The following LOXL2 variants were observed in gnomAD, a reference collection of about 807,000 sequenced individuals.
The protein encoded by LOXL2 is lysyl oxidase like 2, also known as lysyl oxidase homolog 2.
Under a neutral mutation model 93.0 loss-of-function variants are expected in LOXL2, and 70 were observed. The ratio of observed to expected loss-of-function variants is 0.75; its 90% CI spans 0.62 to 0.92. LOXL2 has a LOEUF of 0.92. Among genes scored for constraint, LOXL2 ranks in the 40% least tolerant of loss-of-function variants. The pLI, the probability that LOXL2 is intolerant of heterozygous loss-of-function variation, is 0.00. For synonymous variants in LOXL2, 438 were observed against 413.2 expected (o/e 1.06, Z -0.73); for missense variants, 973 against 1,054.9 (o/e 0.92, Z 1.08).
At chr8:23,374,293 G>A (rs1804549188) in intron 1 of LOXL2, among the ~76,000 whole-genome samples, 1 of 152,102 alleles carries the variant, frequency 6.6e-6, no homozygotes, top group African/African-American at 2.4e-5. Context: ...CCTTTTTTAT[G>A]GCTGCATAGT....
intron 10 of LOXL2, among the ~76,000 whole-genome samples, chr8:23,306,530 C>T (rs754942320): frequency 3.9e-5 from 6 of 152,364 alleles, no homozygotes; most frequent in East Asian, 1.9e-4. Flanking sequence ...CCCACAGATG[C>T]GATGAGGGCC....
rs372915772 is a variant in LOXL2 at position 23,332,919 on chromosome 8, AGG to A, written c.966+480_966+481del. ...CCATACACATACACCCCCCCCACAGAGGGGGGGTGTTTCACATAAGTATAATG... is the reference window on the plus strand; with the variant it reads ...CCATACACATACACCCCCCCCACAGAGGGGGTGTTTCACATAAGTATAATG... On this transcript the variant is annotated intron_variant, in intron 5 of 13. Coordinates refer to ENST00000389131, the MANE Select transcript of LOXL2 (RefSeq NM_002318.3). Among the ~76,000 whole-genome samples, 720 of 146,620 alleles carry A rather than the reference AGG, an allele frequency of 4.9e-3. 42 individuals are homozygous for A. In the East Asian group the frequency reaches 0.096, roughly 20 times the overall value.
intron 12 of LOXL2, among the ~76,000 whole-genome samples, chr8:23,299,733 T>A (rs1803096695): frequency 6.6e-6 from 1 of 152,044 alleles, no homozygotes; most frequent in Non-Finnish European, 1.5e-5. Context: ...CCTGCCACAT[T>A]TGGAAGGGCT....
chr8:23,362,351 G>GT (rs1804309650), intron 2 of LOXL2, among the ~76,000 whole-genome samples: 1 of 152,228 alleles, frequency 6.6e-6, no homozygotes, highest in Non-Finnish European at 1.5e-5. Flanking sequence ...AATCGGTGCA[G>GT]TTTCAGTTTT....
chr8:23,328,780 T>C (rs1803630306), intron 5 of LOXL2: 3 of 524,374 alleles, frequency 5.7e-6, no homozygotes, highest in Admixed American at 3.1e-5. Flanking sequence ...GCTTCCTCTA[T>C]AGAGTCAGCT....
At chr8:23,396,206 T>C (rs1800087501) in intron 1 of LOXL2, among the ~76,000 whole-genome samples, 1 of 151,998 alleles carries the variant, frequency 6.6e-6, no homozygotes, top group African/African-American at 2.4e-5. Context: ...TAATCCCAGC[T>C]ACTCGGGAGG....
At chr8:23,347,251 G>A (rs1479984785) in intron 3 of LOXL2, among the ~76,000 whole-genome samples, 3 of 151,976 alleles carry the variant, frequency 2.0e-5, no homozygotes, top group Non-Finnish European at 4.4e-5. Context: ...CAGCGACTCA[G>A]GAGGCTGAGG....
Position 23,360,182 on chromosome 8 carries a change from C to G in LOXL2, c.439G>C (p.Asp147His), listed in dbSNP as rs1175707113. Residue 147 changes from aspartate (D) to histidine (H), a missense_variant, in exon 3 of 14, where the codon GAC becomes CAC. Transcript: ENST00000389131. ...ACTSNGWGVTDCKHTEDVGVV... is the reference protein window; with the variant it reads ...ACTSNGWGVTHCKHTEDVGVV... ...CCGACATCCTCCGTGTGCTTGCAGT[C>G]AGTGACGCCCCAGCCATTGGAGGTG... is the stretch of plus-strand genomic sequence containing the variant. 1 of 1,614,142 alleles carries G rather than the reference C, an allele frequency of 6.2e-7. No homozygotes were observed.
At chr8:23,401,066 C>T (rs979412377) in intron 1 of LOXL2, among the ~76,000 whole-genome samples, 3 of 152,206 alleles carry the variant, frequency 2.0e-5, no homozygotes, top group Admixed American at 2.0e-4. Context: ...AGAACCAGAA[C>T]CACCGAAGCC....
intron 2 of LOXL2, chr8:23,364,107 C>G (rs994594220): frequency 9.2e-5 from 14 of 152,450 alleles, no homozygotes; most frequent in African/African-American, 3.1e-4. Context: ...AACACCTGAC[C>G]TCAGGTGATC....
intron 1 of LOXL2, among the ~76,000 whole-genome samples, chr8:23,369,821 C>A (rs1804468744): frequency 6.6e-6 from 1 of 152,126 alleles, no homozygotes; most frequent in African/African-American, 2.4e-5. Flanking sequence ...CAGCCTGACC[C>A]CCTAGTAGTG....
chr8:23,331,376 C>T (rs888274552), intron 5 of LOXL2: 6 of 152,214 alleles, frequency 3.9e-5, no homozygotes, highest in Non-Finnish European at 7.3e-5. Flanking sequence ...GGTGACAGCC[C>T]ACCTGGAACT....
rs761624027 is a variant in LOXL2, at chr8:23,360,188, C to G, written c.433G>C (p.Val145Leu). 2.5e-6 allele frequency: 4 copies of G among 1,614,100 alleles called. No individual in the cohort carries two copies. The change falls in exon 3 of 14, where the codon GTC becomes CTC. Residue 145 changes from valine to leucine, a missense_variant. By Grantham distance (32) the Val-to-Leu change is conservative (BLOSUM62 1). Coordinates refer to ENST00000389131, the MANE Select transcript of LOXL2 (RefSeq NM_002318.3). ...TCCTCCGTGTGCTTGCAGTCAGTGACGCCCCAGCCATTGGAGGTGCATGCT... is the reference window on the plus strand; with the variant it reads ...TCCTCCGTGTGCTTGCAGTCAGTGAGGCCCCAGCCATTGGAGGTGCATGCT... Reference protein sequence around the residue: ...LAACTSNGWGVTDCKHTEDVG... With the variant: ...LAACTSNGWGLTDCKHTEDVG...
At chr8:23,326,708 C>G (rs1488424402) in intron 6 of LOXL2, among the ~76,000 whole-genome samples, 1 of 152,134 alleles carries the variant, frequency 6.6e-6, no homozygotes, top group East Asian at 1.9e-4. Context: ...GAGCCGAGAT[C>G]GCGCCACTGT....
At chr8:23,304,241 T>A (rs1031596835) in intron 10 of LOXL2, among the ~76,000 whole-genome samples, 1 of 152,198 alleles carries the variant, frequency 6.6e-6, no homozygotes, top group African/African-American at 2.4e-5. Flanking sequence ...CGAGGCTCCC[T>A]CTCTTCCCTC....
chr8:23,333,313 C>G (rs762945735), intron 5 of LOXL2, 88 bp downstream of exon 5: 38 of 1,261,290 alleles, frequency 3.0e-5, no homozygotes, highest in African/African-American at 1.0e-4. Flanking sequence ...CACCCTTCCT[C>G]ACTCTCCTGG....
intron 2 of LOXL2, among the ~76,000 whole-genome samples, chr8:23,361,135 G>A (rs1035626011): frequency 3.3e-5 from 5 of 152,072 alleles, no homozygotes; most frequent in African/African-American, 1.2e-4. Flanking sequence ...TCCTGACCTC[G>A]TGATCTGCCT....
chr8:23,394,341 C>T (rs12542070), intron 1 of LOXL2, among the ~76,000 whole-genome samples: 27,870 of 147,794 alleles, frequency 0.19, 2,784 homozygotes, highest in East Asian at 0.26. Context: ...TGCAATGAGC[C>T]GAGATCGTGC....
chr8:23,340,840 CG>C (rs1287222861), intron 4 of LOXL2, 151 bp downstream of exon 4: 13 of 700,640 alleles, frequency 1.9e-5, no homozygotes, highest in African/African-American at 3.5e-5. Context: ...GCGCCTGGCC[CG>C]GCCCAGGGGC....
Sources: gnomAD v4.1 joint callset for allele counts (sites outside exome capture counted in the v4.1 genomes callset) on GRCh38, gnomAD v4.1.1 for gene constraint, MANE v1.5 for transcripts, NCBI Gene and HGNC (gene_info 2026-07-23, HGNC 2026-07-21) for gene names.